The following PREX1 variants were observed in gnomAD, a reference collection of about 807,000 sequenced individuals.
The protein encoded by PREX1 is phosphatidylinositol 3,4,5-trisphosphate-dependent Rac exchanger 1 protein.
Under a neutral mutation model 198.3 loss-of-function variants are expected in PREX1, and 41 were observed. The observed-to-expected ratio is 0.21, with a 90% confidence interval of 0.16 to 0.27. The LOEUF is 0.27. PREX1 is among the 10% of genes least tolerant of loss of function. The pLI is 1.00. For missense variants in PREX1, 1,620 were observed against 2,200.7 expected, an observed-to-expected ratio of 0.74 and a Z score of 5.28; for synonymous variants, 843 against 887.2, an observed-to-expected ratio of 0.95 and a Z score of 0.89.
chr20:48,669,508 C>T (rs2089661267), intron 14 of PREX1, among the ~76,000 whole-genome samples: 1 of 152,138 alleles, frequency 6.6e-6, no homozygotes, highest in African/African-American at 2.4e-5. Flanking sequence ...CATCATCCCA[C>T]ATCAAAATTC....
At chr20:48,814,436 A>C (rs2090450607) in intron 1 of PREX1, among the ~76,000 whole-genome samples, 1 of 152,210 alleles carries the variant, frequency 6.6e-6, no homozygotes, top group South Asian at 2.1e-4. Flanking sequence ...GCGGCACTTG[A>C]GCTGAGAGCT....
At chr20:48,695,050 G>GA (rs35202393) in intron 7 of PREX1, among the ~76,000 whole-genome samples, 12 of 151,944 alleles carry the variant, frequency 7.9e-5, no homozygotes, top group African/African-American at 2.7e-4. Context: ...AATCCACACA[G>GA]AAAAAAAATG....
chr20:48,680,483 G>A (rs1390775048), intron 11 of PREX1, among the ~76,000 whole-genome samples: 1 of 152,048 alleles, frequency 6.6e-6, no homozygotes, highest in Non-Finnish European at 1.5e-5. Context: ...TTCTCTATAG[G>A]ATCTCATCTC....
chr20:48,642,123 C>A, intron 29 of PREX1, 45 bp downstream of exon 29: 1 of 1,588,032 alleles, frequency 6.3e-7, no homozygotes, highest in Non-Finnish European at 8.6e-7. Flanking sequence ...TGTCTAACAC[C>A]CTTCCCCATC....
In PREX1 at chr20:48,672,327, T is replaced by C. The variant is rs138904293; in HGVS notation, c.1665+3866A>G. ...CATGAGCAACCTATTAGGTCCACCT[T>C]CAAAACATCCAGAATCTGACCATTT... On this transcript the variant is annotated intron_variant, in intron 14 of 39. Coordinates refer to ENST00000371941, the MANE Select transcript of PREX1 (RefSeq NM_020820.4). Among the ~76,000 whole-genome samples the C allele has an allele frequency of 3.2e-3, 494 of 152,290 alleles. 2 individuals carry two copies. Among genetic ancestry groups the C allele is most frequent in the Non-Finnish European group, 4.8e-3 (324 of 68,014 alleles).
chr20:48,743,664 C>T (rs189296968), intron 3 of PREX1, among the ~76,000 whole-genome samples: 2 of 152,374 alleles, frequency 1.3e-5, no homozygotes, highest in African/African-American at 4.8e-5. Flanking sequence ...TGAGCAGGCT[C>T]CTTGTATTAT....
At chr20:48,682,052 G>A (rs190553430) in intron 10 of PREX1, among the ~76,000 whole-genome samples, 58 of 152,092 alleles carry the variant, frequency 3.8e-4, no homozygotes, top group African/African-American at 1.3e-3. Flanking sequence ...CTTCCCACAC[G>A]GACATAAACA....
chr20:48,696,731 T>C (rs2089848470), intron 7 of PREX1, among the ~76,000 whole-genome samples: 1 of 152,076 alleles, frequency 6.6e-6, no homozygotes, highest in Non-Finnish European at 1.5e-5. Context: ...GATGACAGGA[T>C]GGAAAGGACT....
chr20:48,652,505 G>A lies in PREX1; in HGVS notation c.2467+81C>T, dbSNP rs943027073. ...GACTGGCTGGGAGGAGGGGAGGGGAGGGGACAACAGGAGAGGACCCAGCCC... is the reference window on the plus strand; with the variant it reads ...GACTGGCTGGGAGGAGGGGAGGGGAAGGGACAACAGGAGAGGACCCAGCCC... On this transcript the variant is annotated intron_variant, in intron 21 of 39. Transcript: ENST00000371941. The A allele has an allele frequency of 2.0e-6, 3 of 1,472,862 alleles. No homozygotes were observed. In the African/African-American group the frequency reaches 4.3e-5, roughly 21 times the overall value. The allele number at this position is 1,472,862 out of a possible 1,614,324, so 91.2% of individuals were successfully genotyped here. A position where few individuals can be genotyped will look rare whatever the true frequency, so the allele number is the denominator to read the frequency against.
At chr20:48,862,758 A>G in the PREX1 span, among the ~76,000 whole-genome samples, 1 of 144,138 alleles carries the variant, frequency 6.9e-6, no homozygotes, top group Admixed American at 7.1e-5. Context: ...CAACTAGTGA[A>G]ACTTTAAAAG....
Position 48,654,837 on chromosome 20 carries a change from C to T in PREX1, c.2209+453G>A, listed in dbSNP as rs113102812. On this transcript the variant is annotated intron_variant, in intron 19 of 39. Transcript: ENST00000371941. ...ACATAGTGACGCCTTTAATAGCACA[C>T]AAGGAATAGGCAATGCAGAAAGCAG... Among the ~76,000 whole-genome samples, 14 of 152,354 alleles carry T rather than the reference C, an allele frequency of 9.2e-5. 1 individual carries two copies. The highest frequency in any genetic ancestry group is 3.1e-4 in the African/African-American group (13 of 41,584).
intron 1 of PREX1, among the ~76,000 whole-genome samples, chr20:48,758,465 C>T (rs1013904544): frequency 1.3e-5 from 2 of 152,172 alleles, no homozygotes; most frequent in African/African-American, 4.8e-5. Context: ...AGGGCCCCCC[C>T]GAGCTTGGGG....
chr20:48,692,364 T>A (rs75215309), intron 8 of PREX1: 5,192 of 257,178 alleles, frequency 0.02, 71 homozygotes, highest in Non-Finnish European at 0.027. Flanking sequence ...TGTTTAGTCA[T>A]AAATGCTTAG....
chr20:48,662,964 G>A (rs942698572), intron 15 of PREX1, among the ~76,000 whole-genome samples: 1 of 152,192 alleles, frequency 6.6e-6, no homozygotes, highest in Non-Finnish European at 1.5e-5. Flanking sequence ...GTGCCCAGCT[G>A]ACTGGCGGGA....
chr20:48,805,451 G>A (rs1003738304), intron 1 of PREX1, among the ~76,000 whole-genome samples: 1 of 152,226 alleles, frequency 6.6e-6, no homozygotes. Context: ...GAAACAGAGA[G>A]ACCCCCTCCA....
chr20:48,768,961 T>C (rs913237228), intron 1 of PREX1, among the ~76,000 whole-genome samples: 3 of 151,990 alleles, frequency 2.0e-5, no homozygotes, highest in East Asian at 1.9e-4. Flanking sequence ...TTTTTTTTTT[T>C]CAGCAAAGGG....
At chr20:48,857,587 C>T in the PREX1 span, among the ~76,000 whole-genome samples, 12 of 151,778 alleles carry the variant, frequency 7.9e-5, no homozygotes, top group Non-Finnish European at 1.8e-4. Flanking sequence ...GGGCAAATAG[C>T]GAAACCCTCG....
chr20:48,711,826 CT>C (rs1721937642), intron 5 of PREX1, among the ~76,000 whole-genome samples: 4 of 152,258 alleles, frequency 2.6e-5, no homozygotes, highest in Middle Eastern at 3.2e-3. Flanking sequence ...ACACAAGGTT[CT>C]CATGGATGGG....
chr20:48,810,089 G>C (rs928074879), intron 1 of PREX1, among the ~76,000 whole-genome samples: 4 of 152,178 alleles, frequency 2.6e-5, no homozygotes, highest in Non-Finnish European at 4.4e-5. Context: ...CTTAGTAAAA[G>C]CAATGACTAT....
Sources: gnomAD v4.1 joint callset for allele counts (sites outside exome capture counted in the v4.1 genomes callset) on GRCh38, gnomAD v4.1.1 for gene constraint, MANE v1.5 for transcripts, NCBI Gene and HGNC (gene_info 2026-07-23, HGNC 2026-07-21) for gene names.